The following PPP1R9A variants were observed in gnomAD, a reference collection of about 807,000 sequenced individuals.
PPP1R9A encodes the protein protein phosphatase 1 regulatory subunit 9A.
In PPP1R9A, 59 loss-of-function variants were observed where a neutral mutation model predicts 141.9. The ratio of observed to expected loss-of-function variants is 0.42; its 90% CI spans 0.34 to 0.52. PPP1R9A has a LOEUF of 0.52. PPP1R9A is among the 20% of genes least tolerant of loss of function. The probability of loss-of-function intolerance (pLI) is 0.10; values close to 1 mark genes in which losing one functional copy is unlikely to be tolerated. For missense variants in PPP1R9A, 1,444 were observed against 1,611.9 expected (o/e 0.90, Z 1.78); for synonymous variants, 500 against 569.7 (o/e 0.88, Z 1.74).
chr7:95,215,099 C>A (rs917970491), intron 7 of PPP1R9A, among the ~76,000 whole-genome samples: 10 of 151,050 alleles, frequency 6.6e-5, no homozygotes, highest in Non-Finnish European at 2.9e-5. Context: ...TTGGGTATAT[C>A]TCCTAATGCT....
chr7:95,049,950 A>C (rs530357253), intron 2 of PPP1R9A, among the ~76,000 whole-genome samples: 1 of 152,336 alleles, frequency 6.6e-6, no homozygotes, highest in South Asian at 2.1e-4. Flanking sequence ...GTTATGAATA[A>C]GCTGGTATAA....
rs1471163793 is a variant in PPP1R9A at position 95,290,765 on chromosome 7, C to G, written c.*462C>G. 1 of 169,882 alleles carries G rather than the reference C, an allele frequency of 5.9e-6. No individual in the cohort carries two copies. Among genetic ancestry groups the G allele is most frequent in the Non-Finnish European group, 1.3e-5 (1 of 77,914 alleles). The allele number at this position is 169,882 out of a possible 1,614,324, so 10.5% of individuals were successfully genotyped here. ...GAGATCTGAGACCAGTACTTAACTT[C>G]TAGGACTGCAACACCTACTCCAATG... On this transcript the variant is annotated 3_prime_UTR_variant, in exon 20 of 20. Coordinates refer to ENST00000433360, the MANE Select transcript of PPP1R9A (RefSeq NM_001166160.2).
intron 2 of PPP1R9A, among the ~76,000 whole-genome samples, chr7:95,040,282 A>G (rs1809039352): frequency 6.6e-6 from 1 of 152,028 alleles, no homozygotes; most frequent in Non-Finnish European, 1.5e-5. Flanking sequence ...AAGTAAAAAT[A>G]TAACACAGAT....
chr7:95,103,660 G>T (rs141879068), intron 2 of PPP1R9A, among the ~76,000 whole-genome samples: 9 of 152,070 alleles, frequency 5.9e-5, no homozygotes, highest in Non-Finnish European at 1.0e-4. Context: ...GAGCCCCCAC[G>T]CCCAGCCCAA....
At chr7:95,004,019 A>C (rs1307848469) in intron 2 of PPP1R9A, among the ~76,000 whole-genome samples, 2 of 152,040 alleles carry the variant, frequency 1.3e-5, no homozygotes, top group Non-Finnish European at 2.9e-5. Context: ...CTGGAAGTAA[A>C]GTTCTTGGAT....
chr7:95,111,106 A>G (rs1820474421), intron 2 of PPP1R9A, among the ~76,000 whole-genome samples, 153 bp from the exon 3 acceptor site: 1 of 152,138 alleles, frequency 6.6e-6, no homozygotes. Flanking sequence ...TACTGACTCA[A>G]TTTTCCTTTT....
intron 7 of PPP1R9A, among the ~76,000 whole-genome samples, chr7:95,215,373 G>A (rs1314056983): frequency 6.6e-6 from 1 of 151,964 alleles, no homozygotes; most frequent in Non-Finnish European, 1.5e-5. Context: ...CTCTATCATT[G>A]TTGGACATTT....
intron 12 of PPP1R9A, among the ~76,000 whole-genome samples, chr7:95,257,770 G>T (rs1799814437): frequency 6.6e-6 from 1 of 151,934 alleles, no homozygotes; most frequent in Non-Finnish European, 1.5e-5. Flanking sequence ...TGCGGTGTTT[G>T]GTTTTTTGTC....
intron 2 of PPP1R9A, among the ~76,000 whole-genome samples, chr7:94,975,174 G>A (rs1354054055): frequency 1.3e-5 from 2 of 152,008 alleles, no homozygotes; most frequent in African/African-American, 4.8e-5. Context: ...CAAATAAGCA[G>A]TGACATTGTG....
intron 5 of PPP1R9A, among the ~76,000 whole-genome samples, chr7:95,181,872 A>C (rs1833909816): frequency 6.6e-6 from 1 of 150,412 alleles, no homozygotes; most frequent in African/African-American, 2.4e-5. Context: ...AATTAATGGC[A>C]TTCACGGCAA....
chr7:95,207,653 A>C (rs1022806761), intron 7 of PPP1R9A, among the ~76,000 whole-genome samples: 5 of 152,200 alleles, frequency 3.3e-5, no homozygotes, highest in Admixed American at 6.5e-5. Context: ...AAGTAAAAGA[A>C]ATTAAAGAAA....
intron 2 of PPP1R9A, among the ~76,000 whole-genome samples, chr7:95,004,569 A>G (rs1475686681): frequency 1.3e-5 from 2 of 152,220 alleles, no homozygotes; most frequent in African/African-American, 2.4e-5. Flanking sequence ...AAGAATAGGA[A>G]TGTCTTATTA....
chr7:95,142,118 GA>G (rs1296056295), intron 4 of PPP1R9A, among the ~76,000 whole-genome samples: 1 of 151,934 alleles, frequency 6.6e-6, no homozygotes, highest in African/African-American at 2.4e-5. Flanking sequence ...TAATGATGTT[GA>G]ACATTTTTTT....
chr7:95,057,311 A>T (rs938400233), intron 2 of PPP1R9A, among the ~76,000 whole-genome samples: 2 of 152,142 alleles, frequency 1.3e-5, no homozygotes, highest in African/African-American at 2.4e-5. Context: ...GAAAAAGCAA[A>T]TAATAAAGAA....
At chr7:95,143,250 G>T (rs1308735001) in intron 4 of PPP1R9A, among the ~76,000 whole-genome samples, 2 of 152,134 alleles carry the variant, frequency 1.3e-5, no homozygotes, top group East Asian at 3.9e-4. Context: ...TAGCTTTCTG[G>T]TGTCATTTGT....
In PPP1R9A at chr7:95,161,967, G is replaced by T; in HGVS notation, c.1750G>T (p.Val584Phe). 1.9e-6 allele frequency: 3 copies of T among 1,602,170 alleles called. No individual in the cohort carries two copies. Among genetic ancestry groups the T allele is most frequent in the Middle Eastern group, 1.7e-4 (1 of 6,038 alleles). ...AGTTCTCAGAAACACCAAGGGCAAC[G>T]TCAGGTAAATACGTGCCTTCTAATA... ...ATVLRNTKGN[V>F]RFVIGREKPG... is the part of the protein sequence containing the mutation. Residue 584 changes from valine to phenylalanine, a missense_variant, in exon 5 of 20, where the codon GTC becomes TTC. This residue lies in a region of PPP1R9A where 488 missense variants were observed against 542.0 expected (regional missense o/e 0.90). Transcript: ENST00000433360.
intron 12 of PPP1R9A, among the ~76,000 whole-genome samples, chr7:95,263,030 C>T (rs1310509433): frequency 6.6e-6 from 1 of 152,066 alleles, no homozygotes; most frequent in Non-Finnish European, 1.5e-5. Flanking sequence ...AGGTAGCAAG[C>T]CAGGCAGACA....
At position 95,290,228 on chromosome 7, in the gene PPP1R9A, A is replaced by G. The variant is rs765823381; in HGVS notation, c.4050A>G (p.Gln1350=). The part of the protein sequence containing the change: ...KQREKLRRKE[Q]EQMQRKSKKT... ...GAGAAAAGCTAAGGAGAAAGGAGCAAGAGCAAATGCAGAGGAAGTCCAAAA... is the reference window on the plus strand; with the variant it reads ...GAGAAAAGCTAAGGAGAAAGGAGCAGGAGCAAATGCAGAGGAAGTCCAAAA... The change falls in exon 20 of 20, where the codon CAA becomes CAG. Residue 1350 remains glutamine (Q), a synonymous_variant. Transcript: ENST00000433360. The G allele has an allele frequency of 3.8e-5, 61 of 1,613,410 alleles. No individual in the cohort carries two copies. The highest frequency in any genetic ancestry group is 5.2e-5 in the Non-Finnish European group (61 of 1,179,758).
intron 8 of PPP1R9A, among the ~76,000 whole-genome samples, chr7:95,235,300 G>T (rs981828467): frequency 3.9e-5 from 6 of 152,066 alleles, no homozygotes; most frequent in Non-Finnish European, 8.8e-5. Context: ...AATCCACAAA[G>T]AACTCAAACA....
Sources: allele counts gnomAD v4.1 joint callset (sites outside exome capture counted in the v4.1 genomes callset), GRCh38; gene constraint gnomAD v4.1.1; regional missense constraint gnomAD v4.1.1; transcripts MANE v1.5; gene names NCBI Gene and HGNC (gene_info 2026-07-23, HGNC 2026-07-21).